Variants in EYS observed in about 807,000 individuals in gnomAD.
The protein encoded by EYS is EGF-like photoreceptor maintenance factor.
A neutral mutation model predicts 282.1 loss-of-function variants in EYS; 250 were observed. That is an observed-to-expected ratio of 0.89 (90% CI 0.80 to 0.98). The LOEUF (loss-of-function observed/expected upper bound fraction) is 0.98, where lower values mean the gene tolerates loss of function less well. EYS is among the 50% of genes least tolerant of loss of function. EYS has a pLI of 0.00. For missense variants in EYS, 4,016 were observed against 3,709.0 expected (o/e 1.08, Z -2.15); for synonymous variants, 1,355 against 1,282.9 (o/e 1.06, Z -1.20).
At chr6:65,633,886 T>C (rs544104409) in intron 2 of EYS, among the ~76,000 whole-genome samples, 29 of 152,358 alleles carry the variant, frequency 1.9e-4, no homozygotes, top group African/African-American at 6.7e-4. Context: ...GGTAAGTAGT[T>C]GGGAGAAAGG....
rs368778923 is a variant in EYS at position 64,349,854 on chromosome 6, A to C, written c.6078+38836T>G. Among the ~76,000 whole-genome samples the C allele has an allele frequency of 2.6e-4, 40 of 151,684 alleles. No homozygotes were observed. In the South Asian group the frequency reaches 7.5e-3, roughly 28 times the overall value. ...TGTCTTTGCCTTGAACTACAAGAGT[A>C]AAATATGTAGTTTTTTTCCCGTTTT... is the stretch of plus-strand genomic sequence containing the variant. On this transcript the variant is annotated intron_variant, in intron 29 of 42. Transcript: ENST00000503581.
chr6:65,448,106 AACATCACTTGCCCTATCC>A (rs1768744505), intron 5 of EYS, among the ~76,000 whole-genome samples: 1 of 152,030 alleles, frequency 6.6e-6, no homozygotes, highest in South Asian at 2.1e-4. Context: ...AGGGAAGTTA[AACATCACTTGCCCTATCC>A]ACTAAATTCC....
At chr6:63,742,114 A>G (rs1438860491) in intron 41 of EYS, 1 of 606,682 alleles carries the variant, frequency 1.6e-6, no homozygotes, top group Non-Finnish European at 3.0e-6. Flanking sequence ...TCTGTCCTGC[A>G]GTTCTTGACA....
intron 1 of EYS, among the ~76,000 whole-genome samples, chr6:65,646,283 A>G (rs1020502171): frequency 2.1e-4 from 32 of 152,184 alleles, no homozygotes; most frequent in African/African-American, 6.3e-4. Flanking sequence ...AGGACAAAAT[A>G]CTAGCTAATG....
At chr6:65,418,434 C>A (rs1767324256) in intron 5 of EYS, among the ~76,000 whole-genome samples, 1 of 151,958 alleles carries the variant, frequency 6.6e-6, no homozygotes, top group South Asian at 2.1e-4. Context: ...ATGTTTATTT[C>A]AGCACTATTT....
chr6:65,184,060 T>C (rs1176360032), intron 12 of EYS, among the ~76,000 whole-genome samples: 1 of 151,956 alleles, frequency 6.6e-6, no homozygotes, highest in Admixed American at 6.6e-5. Context: ...GTCCTTAGTT[T>C]AGGGTTAGTT....
chr6:64,919,486 T>G (rs1486688472), intron 15 of EYS, among the ~76,000 whole-genome samples: 2 of 150,782 alleles, frequency 1.3e-5, no homozygotes, highest in Non-Finnish European at 3.0e-5. Context: ...AGAATTTCTG[T>G]TTTAATATTA....
chr6:64,413,566 CA>C (rs549260594), intron 28 of EYS, among the ~76,000 whole-genome samples: 21 of 116,534 alleles, frequency 1.8e-4, no homozygotes, highest in Admixed American at 6.9e-4. Context: ...AACAAAAACC[CA>C]AAAAAAAACC....
rs189253678 is a variant in EYS at position 64,341,074 on chromosome 6, A to C, written c.6079-33992T>G. ...AAAATCGAAAACAACACATGCTGGC[A>C]AGACTGCAGAGAAAAGGGAATGCTT... On this transcript the variant is annotated intron_variant, in intron 29 of 42. Transcript: ENST00000503581. Among the ~76,000 whole-genome samples, 223 of 151,866 alleles carry C rather than the reference A, an allele frequency of 1.5e-3. 1 individual carries two copies. The highest frequency in any genetic ancestry group is 2.9e-3 in the Non-Finnish European group (198 of 67,798).
At chr6:65,258,368 T>C (rs1425294708) in intron 12 of EYS, among the ~76,000 whole-genome samples, 1 of 152,072 alleles carries the variant, frequency 6.6e-6, no homozygotes, top group African/African-American at 2.4e-5. Context: ...CCCTGTGATA[T>C]AGGTAATCTT....
chr6:64,112,166 T>C (rs996925881), intron 31 of EYS, among the ~76,000 whole-genome samples: 2 of 152,080 alleles, frequency 1.3e-5, no homozygotes, highest in African/African-American at 2.4e-5. Flanking sequence ...GAAGGCAAAT[T>C]ATATAACCCT....
chr6:65,609,946 C>T (rs1765934000), intron 2 of EYS, among the ~76,000 whole-genome samples: 2 of 152,282 alleles, frequency 1.3e-5, no homozygotes, highest in East Asian at 1.9e-4. Flanking sequence ...CCAGCCCAGG[C>T]TGGAATGCAA....
intron 22 of EYS, among the ~76,000 whole-genome samples, chr6:64,678,287 T>C (rs1357470897): frequency 6.6e-6 from 1 of 152,108 alleles, no homozygotes; most frequent in Non-Finnish European, 1.5e-5. Context: ...TTAAAAATCA[T>C]TGAGAATACG....
chr6:65,560,390 A>G (rs955018227), intron 2 of EYS, among the ~76,000 whole-genome samples: 4 of 147,344 alleles, frequency 2.7e-5, no homozygotes, highest in African/African-American at 9.9e-5. Flanking sequence ...TATATTGTAT[A>G]TAATATATAA....
chr6:64,032,678 C>G (rs533079732), intron 33 of EYS, among the ~76,000 whole-genome samples: 1 of 152,256 alleles, frequency 6.6e-6, no homozygotes, highest in South Asian at 2.1e-4. Flanking sequence ...ACACAGCCCA[C>G]CCTTGATTTT....
At chr6:64,137,762 C>T (rs1355095369) in intron 31 of EYS, among the ~76,000 whole-genome samples, 3 of 152,022 alleles carry the variant, frequency 2.0e-5, no homozygotes, top group Admixed American at 6.6e-5. Context: ...TATCAAAGGT[C>T]ACTGATTATA....
At chr6:64,933,914 T>C (rs1011905046) in intron 15 of EYS, among the ~76,000 whole-genome samples, 3 of 151,992 alleles carry the variant, frequency 2.0e-5, no homozygotes, top group African/African-American at 7.2e-5. Context: ...TTCTCACTCG[T>C]AAGTGGGAGT....
At chr6:63,722,444 C>T (rs1383804655) in intron 42 of EYS, among the ~76,000 whole-genome samples, 1 of 152,244 alleles carries the variant, frequency 6.6e-6, no homozygotes, top group East Asian at 1.9e-4. Context: ...CCCTCCATTA[C>T]AGTATATCTC....
At chr6:63,905,107 T>C (rs1773743189) in intron 35 of EYS, among the ~76,000 whole-genome samples, 1 of 152,206 alleles carries the variant, frequency 6.6e-6, no homozygotes, top group Non-Finnish European at 1.5e-5. Context: ...TCTGTTTCTA[T>C]GGGTTTACCT....
Sources: allele counts gnomAD v4.1 joint callset (sites outside exome capture counted in the v4.1 genomes callset), GRCh38; gene constraint gnomAD v4.1.1; transcripts MANE v1.5; gene names NCBI Gene and HGNC (gene_info 2026-07-23, HGNC 2026-07-21).